Variants in JAM2 observed in about 807,000 individuals in gnomAD.
JAM2 encodes the protein junctional adhesion molecule 2, also known as junctional adhesion molecule B.
JAM2 carries 17 observed loss-of-function variants against 42.0 expected under a neutral mutation model. The ratio of observed to expected loss-of-function variants is 0.40; its 90% CI spans 0.28 to 0.61. The LOEUF (loss-of-function observed/expected upper bound fraction) is 0.61. Among genes scored for constraint, JAM2 ranks in the 20% least tolerant of loss-of-function variants. The probability of loss-of-function intolerance (pLI) is 0.37; values close to 1 mark genes in which losing one functional copy is unlikely to be tolerated. For missense variants in JAM2, 319 were observed against 358.3 expected, an observed-to-expected ratio of 0.89 and a Z score of 0.89; for synonymous variants, 118 against 128.6, an observed-to-expected ratio of 0.92 and a Z score of 0.56.
chr21:25,688,230 A>G (rs566472121), intron 2 of JAM2, among the ~76,000 whole-genome samples: 1 of 140,748 alleles, frequency 7.1e-6, no homozygotes, highest in South Asian at 2.5e-4. Context: ...ATTAGGAAGA[A>G]TTCACCAGGA....
At position 25,714,679 on chromosome 21, in the gene JAM2, C is replaced by T. The variant is rs2123425261; in HGVS notation, c.*7C>T. 3 of 1,500,134 alleles carry T rather than the reference C, an allele frequency of 2.0e-6. No homozygotes were observed. The East Asian group carries it at 7.4e-5, about 37-fold the overall frequency. 92.9% of individuals were successfully genotyped at this position (1,500,134 alleles called of 1,614,324 possible). A position where few individuals can be genotyped will look rare whatever the true frequency, so the allele number is the denominator to read the frequency against. On this transcript the variant is annotated 3_prime_UTR_variant, in exon 10 of 10. Coordinates refer to ENST00000480456, the MANE Select transcript of JAM2 (RefSeq NM_021219.4). The stretch of plus-strand genomic sequence containing the variant: ...AAAATCCTTTATAATTTAAAGACTC[C>T]ACTTTAGAGATACACCAAAGCCACC...
chr21:25,695,980 CG>C (rs2034014033), intron 4 of JAM2, among the ~76,000 whole-genome samples: 1 of 152,038 alleles, frequency 6.6e-6, no homozygotes, highest in South Asian at 2.1e-4. Context: ...ACTTCCCAGA[CG>C]GGGTGGCGGC....
chr21:25,703,209 C>T (rs1024078465), intron 6 of JAM2, among the ~76,000 whole-genome samples: 5 of 152,282 alleles, frequency 3.3e-5, no homozygotes, highest in African/African-American at 1.2e-4. Context: ...GTTTATTTTT[C>T]CTTCCATTTA....
At position 25,714,752 on chromosome 21, in the gene JAM2, C is replaced by A; in HGVS notation, c.*80C>A. 1 of 946,362 alleles carries A rather than the reference C, an allele frequency of 1.1e-6. No individual in the cohort carries two copies. Among genetic ancestry groups the A allele is most frequent in the Non-Finnish European group, 1.5e-6 (1 of 651,058 alleles). 58.6% of individuals were successfully genotyped at this position (946,362 alleles called of 1,614,324 possible). A position where few individuals can be genotyped will look rare whatever the true frequency, so the allele number is the denominator to read the frequency against. ...TATTATAAAACTCTGCTTTGTCCGA[C>A]ATTTGCAAAGAGGTACACGAGGAAA... On this transcript the variant is annotated 3_prime_UTR_variant, in exon 10 of 10. Coordinates refer to ENST00000480456, the MANE Select transcript of JAM2 (RefSeq NM_021219.4).
intron 4 of JAM2, among the ~76,000 whole-genome samples, chr21:25,698,141 C>A (rs1821388511): frequency 6.6e-6 from 1 of 152,134 alleles, no homozygotes; most frequent in Non-Finnish European, 1.5e-5. Flanking sequence ...AACAGATAAG[C>A]CCTTAACTCT....
chr21:25,701,924 TAA>T (rs60430187), intron 5 of JAM2, among the ~76,000 whole-genome samples: 15 of 144,646 alleles, frequency 1.0e-4, no homozygotes, highest in Admixed American at 6.9e-5. Flanking sequence ...CTTTCATGGT[TAA>T]AAAAAAAAAA....
chr21:25,670,114 T>C (rs1156771993), intron 1 of JAM2, among the ~76,000 whole-genome samples: 1 of 152,180 alleles, frequency 6.6e-6, no homozygotes, highest in African/African-American at 2.4e-5. Context: ...ATTACGACAA[T>C]TAGACTTTTG....
In JAM2 at chr21:25,703,196, T is replaced by G. The variant is rs138092376; in HGVS notation, c.697+927T>G. On this transcript the variant is annotated intron_variant, in intron 6 of 9. Transcript: ENST00000480456. The stretch of plus-strand genomic sequence containing the variant: ...ATTACCTTGTCCTACCAGCACTATT[T>G]CTGTTTATTTTTCCTTCCATTTAAA... Among the ~76,000 whole-genome samples the G allele has an allele frequency of 4.1e-3, 627 of 152,352 alleles. 4 individuals are homozygous for G. Among genetic ancestry groups the G allele is most frequent in the African/African-American group, 0.014 (567 of 41,576 alleles).
chr21:25,665,927 C>G (rs2033207185), intron 1 of JAM2, among the ~76,000 whole-genome samples: 1 of 152,052 alleles, frequency 6.6e-6, no homozygotes, highest in African/African-American at 2.4e-5. Flanking sequence ...GTGGTTCCAG[C>G]TACTCGGGAG....
At chr21:25,661,928 G>C (rs2033099879) in intron 1 of JAM2, among the ~76,000 whole-genome samples, 1 of 151,862 alleles carries the variant, frequency 6.6e-6, no homozygotes, top group African/African-American at 2.4e-5. Context: ...AAAAATAATT[G>C]CAGAACATGC....
chr21:25,699,489 G>T (rs1040827236), intron 5 of JAM2, among the ~76,000 whole-genome samples: 4 of 151,942 alleles, frequency 2.6e-5, no homozygotes, highest in African/African-American at 7.3e-5. Flanking sequence ...TTGGGAGGCC[G>T]AGGTGGGCGG....
At chr21:25,694,121 T>C (rs1350258302) in intron 4 of JAM2, among the ~76,000 whole-genome samples, 3 of 152,228 alleles carry the variant, frequency 2.0e-5, no homozygotes, top group African/African-American at 7.2e-5. Flanking sequence ...TAATGCGTTA[T>C]CACAAAGTAT....
intron 1 of JAM2, among the ~76,000 whole-genome samples, chr21:25,664,746 A>G (rs2033176182): frequency 6.6e-6 from 1 of 152,130 alleles, no homozygotes; most frequent in Non-Finnish European, 1.5e-5. Flanking sequence ...TTCCTGCTCT[A>G]AATTATATTC....
At position 25,712,336 on chromosome 21, in the gene JAM2, A is replaced by G. The variant is rs374939946; in HGVS notation, c.822-4A>G. On this transcript the variant is annotated splice_region_variant and splice_polypyrimidine_tract_variant and intron_variant, in intron 8 of 9. Transcript: ENST00000480456. ...AAATATTGTCTTTTATATTCCACAA[A>G]CAGGAAGAGTAATTCTTCATCTAAA... The G allele has an allele frequency of 2.5e-6, 4 of 1,582,126 alleles. No homozygotes were observed. In the African/African-American group the frequency reaches 4.0e-5, roughly 16 times the overall value.
chr21:25,698,716 C>G lies in JAM2; in HGVS notation c.434C>G (p.Ala145Gly). 3.7e-6 allele frequency: 6 copies of G among 1,614,126 alleles called. No individual in the cohort carries two copies. Among genetic ancestry groups the G allele is most frequent in the Non-Finnish European group, 5.1e-6 (6 of 1,179,986 alleles). ...CCATCATGTGAAGTACCCTCTTCTGCTCTGAGTGGAACTGTGGTAGAGCTA... is the reference window on the plus strand; with the variant it reads ...CCATCATGTGAAGTACCCTCTTCTGGTCTGAGTGGAACTGTGGTAGAGCTA... ...AVPSCEVPSS[A>G]LSGTVVELRC... is the part of the protein sequence containing the mutation. The change falls in exon 5 of 10, where the codon GCT (alanine) becomes GGT (glycine). Residue 145 changes from alanine to glycine, a missense_variant. Ala to Gly is a moderately conservative substitution (Grantham distance 60, BLOSUM62 0). Coordinates refer to ENST00000480456, the MANE Select transcript of JAM2 (RefSeq NM_021219.4).
intron 5 of JAM2, among the ~76,000 whole-genome samples, chr21:25,699,816 G>A (rs1441645708): frequency 6.8e-6 from 1 of 146,672 alleles, no homozygotes; most frequent in Non-Finnish European, 1.5e-5. Context: ...TCATGATGAT[G>A]AATCAGGCAG....
chr21:25,712,966 G>A (rs1453320861), intron 9 of JAM2, among the ~76,000 whole-genome samples: 1 of 152,174 alleles, frequency 6.6e-6, no homozygotes, highest in Non-Finnish European at 1.5e-5. Flanking sequence ...CACAATCAAG[G>A]CACCAGTAGA....
intron 1 of JAM2, among the ~76,000 whole-genome samples, chr21:25,668,921 T>C (rs2033288228): frequency 6.6e-6 from 1 of 152,058 alleles, no homozygotes; most frequent in Non-Finnish European, 1.5e-5. Flanking sequence ...TCAATTGAGG[T>C]AGTTATGGAA....
At chr21:25,641,880 TG>T (rs1285245252) in intron 1 of JAM2, among the ~76,000 whole-genome samples, 1 of 152,172 alleles carries the variant, frequency 6.6e-6, no homozygotes, top group Non-Finnish European at 1.5e-5. Flanking sequence ...CTTACTATAA[TG>T]GGTTTGAGGA....
Sources: gnomAD v4.1 joint callset for allele counts (sites outside exome capture counted in the v4.1 genomes callset) on GRCh38, gnomAD v4.1.1 for gene constraint, MANE v1.5 for transcripts, NCBI Gene and HGNC (gene_info 2026-07-23, HGNC 2026-07-21) for gene names.